Variants in MYLK4 observed in about 807,000 individuals in gnomAD.
MYLK4 encodes the protein myosin light chain kinase family member 4, also known as caMLCK like.
MYLK4 carries 46 observed loss-of-function variants against 48.1 expected under a neutral mutation model. That is an observed-to-expected ratio of 0.96 (90% confidence interval 0.75 to 1.22). The LOEUF is 1.22. MYLK4 is among the 50% of genes most tolerant of loss of function. MYLK4 has a pLI of 0.00. For synonymous variants in MYLK4, 170 were observed against 180.8 expected, an observed-to-expected ratio of 0.94 and a Z score of 0.48; for missense variants, 451 against 486.1, an observed-to-expected ratio of 0.93 and a Z score of 0.68.
At chr6:2,692,209 T>G (rs1207790862) in intron 3 of MYLK4, among the ~76,000 whole-genome samples, 1 of 152,238 alleles carries the variant, frequency 6.6e-6, no homozygotes, top group Non-Finnish European at 1.5e-5. Context: ...TTCCTGTGTA[T>G]TCAGGCTCTC....
At position 2,667,281 on chromosome 6, in the gene MYLK4, C is replaced by T. The variant is rs995430197; in HGVS notation, c.*644G>A. 11 of 152,270 alleles carry T rather than the reference C, an allele frequency of 7.2e-5. No homozygotes were observed. Among genetic ancestry groups the T allele is most frequent in the African/African-American group, 2.6e-4 (11 of 41,548 alleles). 9.4% of individuals were successfully genotyped at this position (152,270 alleles called of 1,614,324 possible). A position where few individuals can be genotyped will look rare whatever the true frequency, so the allele number is the denominator to read the frequency against. On this transcript the variant is annotated 3_prime_UTR_variant, in exon 13 of 13. Transcript: ENST00000274643. Reference sequence around the variant, plus strand: ...AAGAAAACGCACGCTGGGGACAATTCAGAATAAATGAAAGACACAGTGGCT... The same window carrying T: ...AAGAAAACGCACGCTGGGGACAATTTAGAATAAATGAAAGACACAGTGGCT...
At chr6:2,766,422 G>A in the MYLK4 span, 2 of 1,588,078 alleles carry the variant, frequency 1.3e-6, no homozygotes, top group South Asian at 2.3e-5. Flanking sequence ...CTTATCCTGT[G>A]GGGGCCGCCG....
chr6:2,767,060 A>T, the MYLK4 span, among the ~76,000 whole-genome samples: 1 of 152,214 alleles, frequency 6.6e-6, no homozygotes, highest in African/African-American at 2.4e-5. Flanking sequence ...AGTCATTTTC[A>T]TCCGGTATTT....
At chr6:2,723,214 G>A (rs1763132180) in intron 2 of MYLK4, among the ~76,000 whole-genome samples, 1 of 152,204 alleles carries the variant, frequency 6.6e-6, no homozygotes, top group Non-Finnish European at 1.5e-5. Context: ...GATCACTTGA[G>A]CCTGGGAAGT....
At chr6:2,759,833 C>A in the MYLK4 span, among the ~76,000 whole-genome samples, 1 of 152,104 alleles carries the variant, frequency 6.6e-6, no homozygotes, top group Admixed American at 6.5e-5. Flanking sequence ...TTTTAAAAAT[C>A]AATGATTGAA....
chr6:2,684,348 A>G (rs943679701), intron 6 of MYLK4, among the ~76,000 whole-genome samples: 2 of 151,982 alleles, frequency 1.3e-5, no homozygotes, highest in Non-Finnish European at 2.9e-5. Flanking sequence ...GCAATTTAAA[A>G]CCTGTTGATT....
Position 2,688,910 on chromosome 6 carries a change from T to C in MYLK4, c.282A>G (p.Thr94=). The C allele has an allele frequency of 1.2e-6, 2 of 1,614,248 alleles. No homozygotes were observed. The highest frequency in any genetic ancestry group is 1.3e-5 in the African/African-American group (1 of 75,066). ...AGCTGTTGACCGCTCCTTGCTTGGC[T>C]GTCACAATACGATGATCAAATGGGG... ...PPAPFDHRIV[T]AKQGAVNSFY... is the part of the protein sequence containing the mutation. Residue 94 remains threonine, a synonymous_variant, in exon 4 of 13, where the codon ACA becomes ACG. Transcript: ENST00000274643.
chr6:2,762,852 G>C, the MYLK4 span, among the ~76,000 whole-genome samples: 1 of 152,164 alleles, frequency 6.6e-6, no homozygotes, highest in African/African-American at 2.4e-5. Context: ...AGCCGTTCCT[G>C]CCAGTGGGTT....
In MYLK4 at chr6:2,665,612, C is replaced by T. The variant is rs1760617649; in HGVS notation, c.*2313G>A. The T allele has an allele frequency of 6.6e-6, 1 of 152,212 alleles. No individual in the cohort carries two copies. The highest frequency in any genetic ancestry group is 1.5e-5 in the Non-Finnish European group (1 of 68,054). The allele number at this position is 152,212 out of a possible 1,614,324, so 9.4% of individuals were successfully genotyped here. A position where few individuals can be genotyped will look rare whatever the true frequency, so the allele number is the denominator to read the frequency against. Reference sequence around the variant, plus strand: ...CCTGAGCTGTCTCTTCCATGTGTGGCAGGGTCTGGGGACAGTTTATCTGCC... The same window carrying T: ...CCTGAGCTGTCTCTTCCATGTGTGGTAGGGTCTGGGGACAGTTTATCTGCC... On this transcript the variant is annotated 3_prime_UTR_variant, in exon 13 of 13. Transcript: ENST00000274643.
At chr6:2,689,676 T>C (rs187708275) in intron 3 of MYLK4, among the ~76,000 whole-genome samples, 1 of 152,366 alleles carries the variant, frequency 6.6e-6, no homozygotes, top group East Asian at 1.9e-4. Context: ...CCATGACTAC[T>C]GCTGTTGAAA....
chr6:2,703,872 T>C, intron 2 of MYLK4, among the ~76,000 whole-genome samples: 1 of 152,118 alleles, frequency 6.6e-6, no homozygotes. Flanking sequence ...GGTTTCACCA[T>C]GCTGGCCAGG....
At chr6:2,762,246 T>C in the MYLK4 span, among the ~76,000 whole-genome samples, 2 of 152,166 alleles carry the variant, frequency 1.3e-5, no homozygotes, top group African/African-American at 2.4e-5. Context: ...AAGTTTCCCA[T>C]GACAATACTT....
At chr6:2,724,962 C>T (rs182691753) in intron 2 of MYLK4, among the ~76,000 whole-genome samples, 1 of 152,060 alleles carries the variant, frequency 6.6e-6, no homozygotes, top group Non-Finnish European at 1.5e-5. Flanking sequence ...ACCAGCCTGG[C>T]CAACATGATG....
chr6:2,668,864 G>A (rs1760769475), intron 12 of MYLK4, among the ~76,000 whole-genome samples: 1 of 152,082 alleles, frequency 6.6e-6, no homozygotes, highest in South Asian at 2.1e-4. Context: ...GAGCTCAGGA[G>A]TTCAAGGCCA....
intron 7 of MYLK4, 171 bp from the exon 8 acceptor site, chr6:2,680,462 G>A: frequency 2.0e-6 from 2 of 985,408 alleles, no homozygotes; most frequent in Non-Finnish European, 2.4e-6. Flanking sequence ...TGGTGGATGA[G>A]GTTGCGGGTA....
In MYLK4 at chr6:2,685,366, C is replaced by G; in HGVS notation, c.475G>C (p.Asp159His). The G allele has an allele frequency of 6.2e-7, 1 of 1,613,952 alleles. No homozygotes were observed. The change falls in exon 6 of 13, where the codon GAC (aspartate) becomes CAC (histidine). Residue 159 changes from aspartate (D) to histidine (H), a missense_variant. Transcript: ENST00000274643. This position sits in a 1 kb window ranked among gnomAD's most constrained non-coding sequence, Gnocchi z 4.5. Reference sequence around the variant, plus strand: ...TACAGCTGGATGAGGTTCGCGTGGTCCAGCTGGTTCATGACGCTGATCTCG... The same window carrying G: ...TACAGCTGGATGAGGTTCGCGTGGTGCAGCTGGTTCATGACGCTGATCTCG... ...KNEISVMNQL[D>H]HANLIQLYDA...
At chr6:2,751,174 T>C (rs995137568), upstream of MYLK4, among the ~76,000 whole-genome samples, 1 of 152,186 alleles carries the variant, frequency 6.6e-6, no homozygotes, top group Non-Finnish European at 1.5e-5. Context: ...TCCTCGGCAA[T>C]CATCTGCCTG....
At position 2,673,481 on chromosome 6, in the gene MYLK4, T is replaced by C. The variant is rs1760977740; in HGVS notation, c.1119+1566A>G. Among the ~76,000 whole-genome samples, 1 of 152,154 alleles carries C rather than the reference T, an allele frequency of 6.6e-6. No homozygotes were observed. The highest frequency in any genetic ancestry group is 1.5e-5 in the Non-Finnish European group (1 of 68,034). On this transcript the variant is annotated intron_variant, in intron 11 of 12. Coordinates refer to ENST00000274643, the MANE Select transcript of MYLK4 (RefSeq NM_001012418.5). The surrounding 1 kb of genome is among the most constrained non-coding windows in gnomAD (Gnocchi z 4.2). The stretch of plus-strand genomic sequence containing the variant: ...CAAGGTTTGTTGGTCAGTGAAAAAG[T>C]TCCATTCCAAAACCTCAGGAAATGG...
the MYLK4 span, among the ~76,000 whole-genome samples, chr6:2,766,928 C>T: frequency 1.3e-5 from 2 of 152,146 alleles, no homozygotes; most frequent in African/African-American, 4.8e-5. Context: ...GTTGGTTTAA[C>T]AGACTGGTAT....
Sources: allele counts gnomAD v4.1 joint callset (sites outside exome capture counted in the v4.1 genomes callset), GRCh38; gene constraint gnomAD v4.1.1; non-coding constraint Gnocchi (gnomAD v3.1); transcripts MANE v1.5; gene names NCBI Gene and HGNC (gene_info 2026-07-23, HGNC 2026-07-21).